UBOX5: variants seen among roughly 807,000 people sequenced by gnomAD.
The protein encoded by UBOX5 is RING finger protein 37.
In UBOX5, 28 loss-of-function variants were observed where a neutral mutation model predicts 39.0. The ratio of observed to expected loss-of-function variants is 0.72; its 90% CI spans 0.53 to 0.98. The LOEUF (loss-of-function observed/expected upper bound fraction) is 0.98. UBOX5 is among the 50% of genes least tolerant of loss of function. The pLI, the probability that UBOX5 is intolerant of heterozygous loss-of-function variation, is 0.00. For synonymous variants in UBOX5, 283 were observed against 275.5 expected (o/e 1.03, Z -0.27); for missense variants, 585 against 674.4 (o/e 0.87, Z 1.47).
At chr20:3,143,162 C>A (rs2066532844) in intron 1 of UBOX5, among the ~76,000 whole-genome samples, 1 of 124,776 alleles carries the variant, frequency 8.0e-6, no homozygotes, top group South Asian at 2.7e-4. Flanking sequence ...GGCTGGAGTA[C>A]AGTGGCATGA....
At chr20:3,125,388 G>A (rs2066375665) in intron 1 of UBOX5, among the ~76,000 whole-genome samples, 1 of 141,800 alleles carries the variant, frequency 7.1e-6, no homozygotes, top group South Asian at 2.4e-4. Context: ...CCCCGTCTGG[G>A]AGGTGAGGAG....
chr20:3,110,496 G>T, intron 4 of UBOX5, 182 bp from the exon 5 acceptor site: 1 of 659,348 alleles, frequency 1.5e-6, no homozygotes, highest in East Asian at 2.7e-5. Flanking sequence ...GAACCCGGGA[G>T]GCCTCTTCTC....
At position 3,121,600 on chromosome 20, in the gene UBOX5, G is replaced by C; in HGVS notation, c.1039C>G (p.Gln347Glu). The change falls in exon 3 of 5, where the codon CAG becomes GAG. Residue 347 changes from glutamine (Q) to glutamate (E), a missense_variant. Transcript: ENST00000217173. The part of the protein sequence containing the change: ...IPGCHLLGRA[Q>E]TALAVIPSSI... Reference sequence around the variant, plus strand: ...GAAGGGATCACTGCCAATGCCGTCTGTGCTCTCCCAAGCAGGTGGCAGCCA... The same window carrying C: ...GAAGGGATCACTGCCAATGCCGTCTCTGCTCTCCCAAGCAGGTGGCAGCCA... The C allele has an allele frequency of 6.2e-7, 1 of 1,605,864 alleles. No individual in the cohort carries two copies. Among genetic ancestry groups the C allele is most frequent in the Non-Finnish European group, 8.5e-7 (1 of 1,176,058 alleles).
chr20:3,111,943 CG>C (rs1274192706), intron 4 of UBOX5, among the ~76,000 whole-genome samples: 9 of 152,124 alleles, frequency 5.9e-5, no homozygotes, highest in Admixed American at 5.9e-4. Flanking sequence ...GTGCCCTACA[CG>C]GGGAGCAGGA....
intron 1 of UBOX5, among the ~76,000 whole-genome samples, chr20:3,131,971 G>A (rs2066432128): frequency 7.6e-6 from 1 of 131,212 alleles, no homozygotes; most frequent in African/African-American, 2.9e-5. Context: ...TCGAGCCACT[G>A]CACTCCAGCC....
chr20:3,142,862 C>T lies in UBOX5; in HGVS notation c.-42+16904G>A, dbSNP rs527876957. Among the ~76,000 whole-genome samples, 9 of 146,832 alleles carry T rather than the reference C, an allele frequency of 6.1e-5. No individual in the cohort carries two copies. The South Asian group carries it at 1.5e-3, about 25-fold the overall frequency. ...CATTCCCCTAAAATCCAGAACAAGA[C>T]AAAGATGCCTACTTTCATTGTTTGT... On this transcript the variant is annotated intron_variant, in intron 1 of 4. Transcript: ENST00000217173.
intron 3 of UBOX5, among the ~76,000 whole-genome samples, chr20:3,115,693 T>C (rs971059877): frequency 6.7e-6 from 1 of 148,810 alleles, no homozygotes; most frequent in Non-Finnish European, 1.5e-5. Context: ...TTTCTCCTCC[T>C]GGAGAAACTG....
chr20:3,142,353 C>T (rs750110466), intron 1 of UBOX5, among the ~76,000 whole-genome samples: 1 of 151,928 alleles, frequency 6.6e-6, no homozygotes, highest in Non-Finnish European at 1.5e-5. Context: ...GTAATCTCAG[C>T]ACTTTGGGAT....
rs74932169 is a variant in UBOX5, at chr20:3,142,163, GA to G, written c.-42+17602del. Among the ~76,000 whole-genome samples the G allele has an allele frequency of 9.5e-3, 758 of 79,972 alleles. 2 individuals are homozygous for G. Among genetic ancestry groups the G allele is most frequent in the African/African-American group, 0.026 (584 of 22,094 alleles). 52.5% of individuals were successfully genotyped at this position (79,972 alleles called of 152,430 possible). ...CAACAGGGTGAGACAGTCTCAAAAAGAAAAAAAAAAAAAAAAGGTCAGTATT... is the reference window on the plus strand; with the variant it reads ...CAACAGGGTGAGACAGTCTCAAAAAGAAAAAAAAAAAAAAAGGTCAGTATT... On this transcript the variant is annotated intron_variant, in intron 1 of 4. Transcript: ENST00000217173.
rs1336218863 is a variant in UBOX5, at chr20:3,121,461, G to A, written c.1178C>T (p.Pro393Leu). 1.2e-6 allele frequency: 2 copies of A among 1,614,004 alleles called. No homozygotes were observed. The highest frequency in any genetic ancestry group is 2.2e-5 in the South Asian group (2 of 91,070). ...CTTAGCAGTGTGCTCTGAGGTAGTGGGTAAGACCAAAGGGCTTGTGGCAGA... is the reference window on the plus strand; with the variant it reads ...CTTAGCAGTGTGCTCTGAGGTAGTGAGTAAGACCAAAGGGCTTGTGGCAGA... ...CFSATSPLVL[P>L]TTSEHTAKKM... The change falls in exon 3 of 5, where the codon CCC becomes CTC. Residue 393 changes from proline (P) to leucine (L), a missense_variant. By Grantham distance (98) the Pro-to-Leu change is moderately conservative. Coordinates refer to ENST00000217173, the MANE Select transcript of UBOX5 (RefSeq NM_014948.4).
chr20:3,122,618 C>T, intron 2 of UBOX5, 34 bp from the exon 3 acceptor site: 1 of 1,521,768 alleles, frequency 6.6e-7, no homozygotes, highest in Non-Finnish European at 8.8e-7. Flanking sequence ...ATACAATGAT[C>T]CAAATGAAGA....
In UBOX5 at chr20:3,122,045, G is replaced by A. The variant is rs2066341389; in HGVS notation, c.594C>T (p.Ala198=). 2.5e-6 allele frequency: 4 copies of A among 1,614,232 alleles called. No individual in the cohort carries two copies. Among genetic ancestry groups the A allele is most frequent in the Non-Finnish European group, 3.4e-6 (4 of 1,180,046 alleles). ...IKRLEVWGQP[A]KTCSQEVIDS... ...CTATCACTTCCTGGGAGCAGGTCTTGGCCGGCTGACCCCACACTTCCAACC... is the reference window on the plus strand; with the variant it reads ...CTATCACTTCCTGGGAGCAGGTCTTAGCCGGCTGACCCCACACTTCCAACC... The change falls in exon 3 of 5, where the codon GCC becomes GCT. Residue 198 remains alanine (A), a synonymous_variant. Coordinates refer to ENST00000217173, the MANE Select transcript of UBOX5 (RefSeq NM_014948.4).
intron 3 of UBOX5, among the ~76,000 whole-genome samples, chr20:3,117,916 C>T (rs532688469): frequency 5.1e-4 from 78 of 152,044 alleles, no homozygotes; most frequent in Middle Eastern, 3.4e-3. Context: ...CACTTGAATC[C>T]GGGAGGCGGA....
At chr20:3,147,529 T>C (rs1026365726) in intron 1 of UBOX5, 23 of 1,614,112 alleles carry the variant, frequency 1.4e-5, no homozygotes, top group East Asian at 2.2e-5. Flanking sequence ...CGAGGGTATA[T>C]AGTTCCTTAA....
chr20:3,138,174 G>A (rs767685447), intron 1 of UBOX5, among the ~76,000 whole-genome samples: 5 of 152,066 alleles, frequency 3.3e-5, no homozygotes, highest in African/African-American at 7.2e-5. Flanking sequence ...TCAGGAGGCT[G>A]AGGTGAGAGA....
At chr20:3,126,498 G>C (rs1440808240) in intron 1 of UBOX5, among the ~76,000 whole-genome samples, 1 of 111,518 alleles carries the variant, frequency 9.0e-6, no homozygotes, top group Non-Finnish European at 1.8e-5. Context: ...ACCCAAGAAT[G>C]ATCAATAAAT....
rs544623668 is a variant in UBOX5, at chr20:3,157,482, C to A, written c.-42+2284G>T. On this transcript the variant is annotated intron_variant, in intron 1 of 4. Coordinates refer to ENST00000217173, the MANE Select transcript of UBOX5 (RefSeq NM_014948.4). ...TTGTGAAACTTTTTCAGCTACACAG[C>A]CCTTCCGCTTCTCTTTTAAGACTCT... Among the ~76,000 whole-genome samples the A allele has an allele frequency of 2.0e-5, 3 of 152,314 alleles. No individual in the cohort carries two copies. In the South Asian group the frequency reaches 6.2e-4, roughly 32 times the overall value.
intron 1 of UBOX5, among the ~76,000 whole-genome samples, chr20:3,153,226 C>T (rs554640537): frequency 6.6e-6 from 1 of 152,216 alleles, no homozygotes; most frequent in African/African-American, 2.4e-5. Flanking sequence ...ATAAAAGAAC[C>T]ATCTCCTAGA....
chr20:3,109,241 A>C lies in UBOX5; in HGVS notation c.*865T>G, dbSNP rs1229898664. The C allele has an allele frequency of 1.3e-5, 2 of 152,166 alleles. No homozygotes were observed. Among genetic ancestry groups the C allele is most frequent in the African/African-American group, 4.8e-5 (2 of 41,444 alleles). 9.4% of individuals were successfully genotyped at this position (152,166 alleles called of 1,614,324 possible). On this transcript the variant is annotated 3_prime_UTR_variant, in exon 5 of 5. Transcript: ENST00000217173. ...TTCCCTTTGGCACTCCATAAAGCTA[A>C]ATGTTGGGCTGAAAAAAGGATGCAG...
Sources: allele counts gnomAD v4.1 joint callset (sites outside exome capture counted in the v4.1 genomes callset), GRCh38; gene constraint gnomAD v4.1.1; transcripts MANE v1.5; gene names NCBI Gene and HGNC (gene_info 2026-07-23, HGNC 2026-07-21).